Variants in C10orf143 observed in about 807,000 individuals in gnomAD.
The protein encoded by C10orf143 is chromosome 10 open reading frame 143, also known as uncharacterized protein C10orf143.
intron 3 of C10orf143, among the ~76,000 whole-genome samples, chr10:130,079,317 C>T (rs554099789): frequency 2.7e-4 from 41 of 152,306 alleles, no homozygotes; most frequent in Admixed American, 5.9e-4. Flanking sequence ...TGGTCCCTTT[C>T]CTAAACCCTG....
chr10:130,105,741 C>CAAACA (rs1345678805), intron 1 of C10orf143, among the ~76,000 whole-genome samples: 19 of 152,176 alleles, frequency 1.2e-4, no homozygotes, highest in African/African-American at 2.4e-4. Flanking sequence ...CCTCCCCCCC[C>CAAACA]AAACAAAACA....
intron 1 of C10orf143, among the ~76,000 whole-genome samples, chr10:130,105,327 A>G (rs1564971767): frequency 1.3e-5 from 2 of 152,224 alleles, no homozygotes; most frequent in Non-Finnish European, 2.9e-5. Context: ...TTTAAGACCT[A>G]GTTCTACCAT....
At chr10:130,042,270 C>T (rs572930440) in intron 3 of C10orf143, among the ~76,000 whole-genome samples, 1 of 152,210 alleles carries the variant, frequency 6.6e-6, no homozygotes, top group South Asian at 2.1e-4. Flanking sequence ...ATTCTGCAAA[C>T]GTTAACCACT....
chr10:130,078,919 T>C (rs992922717), intron 3 of C10orf143, among the ~76,000 whole-genome samples: 6 of 152,214 alleles, frequency 3.9e-5, no homozygotes, highest in African/African-American at 1.4e-4. Context: ...TATTGCAATA[T>C]TAAGATTCCA....
At chr10:130,048,440 T>A (rs1048690873) in intron 3 of C10orf143, among the ~76,000 whole-genome samples, 4 of 152,178 alleles carry the variant, frequency 2.6e-5, no homozygotes, top group African/African-American at 7.2e-5. Flanking sequence ...AGCCTGTGAC[T>A]GGCTGGATAC....
rs960052455 is a variant in C10orf143 at position 130,056,364 on chromosome 10, C to T, written c.298-20394G>A. On this transcript the variant is annotated intron_variant and NMD_transcript_variant, in intron 3 of 5. Coordinates refer to the C10orf143 transcript ENST00000643056. This position sits in a 1 kb window ranked among gnomAD's most constrained non-coding sequence, Gnocchi z 4.6. ...TCATGAGCAGGATGAGGGCAGCACC[C>T]CTGAGAGCCGCTGCATGCACAGGGC... Among the ~76,000 whole-genome samples, 7 of 151,980 alleles carry T rather than the reference C, an allele frequency of 4.6e-5. No homozygotes were observed. Among genetic ancestry groups the T allele is most frequent in the African/African-American group, 1.7e-4 (7 of 41,368 alleles).
At chr10:130,086,194 C>T (rs1590025435) in intron 1 of C10orf143, among the ~76,000 whole-genome samples, 1 of 152,330 alleles carries the variant, frequency 6.6e-6, no homozygotes, top group Middle Eastern at 3.4e-3. Context: ...TCAACAGCCC[C>T]AGCAACCACA....
intron 3 of C10orf143, among the ~76,000 whole-genome samples, chr10:130,076,369 G>A (rs926720239): frequency 6.6e-6 from 1 of 152,186 alleles, no homozygotes; most frequent in Non-Finnish European, 1.5e-5. Context: ...TCTCCCAGAA[G>A]TCAGAAGCAA....
chr10:130,042,878 G>T (rs1319298303), intron 3 of C10orf143, among the ~76,000 whole-genome samples: 1 of 152,180 alleles, frequency 6.6e-6, no homozygotes, highest in Non-Finnish European at 1.5e-5. Flanking sequence ...AGGAATTATG[G>T]ATCATTTTGT....
intron 1 of C10orf143, chr10:130,108,473 C>A: frequency 2.6e-6 from 2 of 764,198 alleles, no homozygotes; most frequent in Non-Finnish European, 4.9e-6. Context: ...TTGCTCTCTT[C>A]AAAAGTAATT....
At chr10:130,037,462 G>A (rs1029727758) in intron 3 of C10orf143, among the ~76,000 whole-genome samples, 9 of 152,152 alleles carry the variant, frequency 5.9e-5, no homozygotes, top group South Asian at 2.1e-4. Context: ...CAGGGTGCCC[G>A]GTCTCCAAGG....
downstream of C10orf143, among the ~76,000 whole-genome samples, chr10:130,059,183 A>C (rs1057002341): frequency 6.6e-6 from 1 of 152,224 alleles, no homozygotes; most frequent in African/African-American, 2.4e-5. Flanking sequence ...TAGATGTGTA[A>C]GTTACAATCA....
Position 130,037,737 on chromosome 10 carries a change from C to T in C10orf143, c.298-1767G>A, listed in dbSNP as rs981281191. On this transcript the variant is annotated intron_variant and NMD_transcript_variant, in intron 3 of 5. Coordinates refer to the C10orf143 transcript ENST00000643056. Reference sequence around the variant, plus strand: ...CCATACGTGACAACTGTCAGACAATCGGTCAACAAGGGGCCTCGTGTCTGC... The same window carrying T: ...CCATACGTGACAACTGTCAGACAATTGGTCAACAAGGGGCCTCGTGTCTGC... 1.3e-4 allele frequency among the ~76,000 whole-genome samples: 20 copies of T among 152,220 alleles called. 1 individual carries two copies. Among genetic ancestry groups the T allele is most frequent in the African/African-American group, 4.6e-4 (19 of 41,450 alleles).
At chr10:130,109,456 T>C (rs1014301770) in intron 1 of C10orf143, among the ~76,000 whole-genome samples, 4 of 152,204 alleles carry the variant, frequency 2.6e-5, no homozygotes, top group African/African-American at 9.7e-5. Flanking sequence ...CCCACTGGAC[T>C]GCTCACGTCC....
At chr10:130,043,336 G>A (rs12412485) in intron 3 of C10orf143, among the ~76,000 whole-genome samples, 3 of 152,016 alleles carry the variant, frequency 2.0e-5, no homozygotes, top group African/African-American at 7.2e-5. Context: ...AATTGGAAAG[G>A]TTATCAGCTG....
Position 130,098,775 on chromosome 10 carries a change from A to G in C10orf143, c.69+11929T>C, listed in dbSNP as rs113757836. On this transcript the variant is annotated intron_variant, in intron 1 of 3. Transcript: ENST00000637128. ...CATTGTGACTTTCTGTGTCATATAT[A>G]AAGAAACCTGCCAAAAATCAGAAAT... 5.7e-4 allele frequency among the ~76,000 whole-genome samples: 87 copies of G among 152,280 alleles called. 1 individual carries two copies. Among genetic ancestry groups the G allele is most frequent in the African/African-American group, 1.9e-3 (80 of 41,556 alleles).
At chr10:130,092,970 G>A (rs1426540406) in intron 1 of C10orf143, among the ~76,000 whole-genome samples, 1 of 152,158 alleles carries the variant, frequency 6.6e-6, no homozygotes, top group Non-Finnish European at 1.5e-5. Context: ...ATAATAGTGG[G>A]AGATTGTAAC....
At chr10:130,070,328 G>A (rs554323894) in intron 3 of C10orf143, among the ~76,000 whole-genome samples, 39 of 152,272 alleles carry the variant, frequency 2.6e-4, no homozygotes, top group African/African-American at 6.7e-4. Flanking sequence ...TCGCACCCCC[G>A]GACCTGGTGC....
At chr10:130,073,672 T>A (rs563176840) in intron 3 of C10orf143, among the ~76,000 whole-genome samples, 1 of 152,212 alleles carries the variant, frequency 6.6e-6, no homozygotes, top group East Asian at 1.9e-4. Context: ...GGGGGACACA[T>A]CTGTGTTGGT....
Sources: gnomAD v4.1 joint callset for allele counts (sites outside exome capture counted in the v4.1 genomes callset) on GRCh38, gnomAD v4.1.1 for gene constraint, Gnocchi (gnomAD v3.1) non-coding constraint, MANE v1.5 for transcripts, NCBI Gene and HGNC (gene_info 2026-07-23, HGNC 2026-07-21) for gene names.